Variants in IHO1 observed in about 807,000 individuals in gnomAD.
IHO1 encodes interactor of HORMAD1 1.
In IHO1, 13 loss-of-function variants were observed where a neutral mutation model predicts 31.0. The ratio of observed to expected loss-of-function variants is 0.42; its 90% CI spans 0.27 to 0.67. The LOEUF is 0.67. Ranked by LOEUF, IHO1 falls within the 30% of genes least tolerant of loss-of-function variation. The pLI, the probability that IHO1 is intolerant of heterozygous loss-of-function variation, is 0.24. For missense variants in IHO1, 599 were observed against 687.5 expected (o/e 0.87, Z 1.44); for synonymous variants, 221 against 248.4 (o/e 0.89, Z 1.04).
chr3:49,245,905 C>T (rs1194413386), intron 6 of IHO1, among the ~76,000 whole-genome samples: 4 of 152,034 alleles, frequency 2.6e-5, no homozygotes, highest in Non-Finnish European at 4.4e-5. Context: ...GTTCTGGGGC[C>T]GGGCACAGTG....
intron 3 of IHO1, among the ~76,000 whole-genome samples, chr3:49,238,114 G>T (rs1198025450): frequency 6.6e-6 from 1 of 151,544 alleles, no homozygotes; most frequent in Non-Finnish European, 1.5e-5. Flanking sequence ...CATGTTGGCG[G>T]GCTAGTCTTG....
intron 1 of IHO1, among the ~76,000 whole-genome samples, chr3:49,207,796 T>TG (rs2046158685): frequency 6.6e-6 from 1 of 151,064 alleles, no homozygotes; most frequent in Non-Finnish European, 1.5e-5. Flanking sequence ...TTTTTTGAGA[T>TG]GGAGTCTCGC....
chr3:49,243,708 A>T (rs2046659446), intron 4 of IHO1, among the ~76,000 whole-genome samples: 1 of 144,280 alleles, frequency 6.9e-6, no homozygotes. Context: ...CAGTGAGCCG[A>T]GATCGTGCCA....
rs777534935 is a variant in IHO1 at position 49,257,156 on chromosome 3, G to C, written c.1659G>C (p.Gly553=). 1 of 1,614,154 alleles carries C rather than the reference G, an allele frequency of 6.2e-7. No homozygotes were observed. The highest frequency in any genetic ancestry group is 1.1e-5 in the South Asian group (1 of 91,080). The change falls in exon 8 of 8, where the codon GGG becomes GGC. Residue 553 remains glycine, a synonymous_variant. Transcript: ENST00000452691. ...GGCTACTTTCCAGCAGTTCCCAGGG[G>C]GACCACCAGATGAGCTGGTTCAGTG... ...DNWLLSSSSQ[G]DHQMSWFSDL...
chr3:49,199,684 G>C (rs1228387238), intron 1 of IHO1, 111 bp downstream of exon 1: 1 of 152,326 alleles, frequency 6.6e-6, no homozygotes, highest in Non-Finnish European at 1.5e-5. Context: ...GTCCTCCCGG[G>C]CTTTCCCGGG....
At position 49,255,380 on chromosome 3, in the gene IHO1, T is replaced by C; in HGVS notation, c.533-10T>C. 1 of 1,574,282 alleles carries C rather than the reference T, an allele frequency of 6.4e-7. No individual in the cohort carries two copies. Among genetic ancestry groups the C allele is most frequent in the Non-Finnish European group, 8.6e-7 (1 of 1,162,190 alleles). ...CTTCAGGAGGTGAACTGTCACTGTT[T>C]TGTATTTAGTACAAGAGACTATACA... On this transcript the variant is annotated splice_polypyrimidine_tract_variant and intron_variant, in intron 6 of 7. Coordinates refer to ENST00000452691, the MANE Select transcript of IHO1 (RefSeq NM_001135197.2).
chr3:49,191,557 AAGTGTT>A, the IHO1 span: 2 of 708,526 alleles, frequency 2.8e-6, no homozygotes, highest in Admixed American at 4.0e-5. Context: ...GAAGGGGGCA[AAGTGTT>A]AGGAAGACTA....
intron 2 of IHO1, among the ~76,000 whole-genome samples, chr3:49,225,462 C>CAA (rs752610444): frequency 9.2e-5 from 12 of 130,174 alleles, no homozygotes; most frequent in Non-Finnish European, 1.0e-4. Context: ...GACTCCGTCT[C>CAA]AAAAAAAAAA....
At position 49,219,798 on chromosome 3, in the gene IHO1, C is replaced by T. The variant is rs188219966; in HGVS notation, c.56+7962C>T. On this transcript the variant is annotated intron_variant, in intron 2 of 7. Transcript: ENST00000452691. The stretch of plus-strand genomic sequence containing the variant: ...GGGGAGCTCGGAAGCATCAGGGTAA[C>T]AATGGGACAAGTGTGGGCTCTGGTT... 4.0e-4 allele frequency among the ~76,000 whole-genome samples: 61 copies of T among 152,300 alleles called. No homozygotes were observed. The East Asian group carries it at 0.011, about 26-fold the overall frequency.
intron 6 of IHO1, among the ~76,000 whole-genome samples, chr3:49,248,290 C>T (rs1463481730): frequency 2.0e-5 from 3 of 151,602 alleles, no homozygotes; most frequent in Non-Finnish European, 4.4e-5. Flanking sequence ...GGCGTGGTGG[C>T]GGGCACCTGT....
intron 2 of IHO1, among the ~76,000 whole-genome samples, chr3:49,218,098 G>T (rs760155967): frequency 6.6e-6 from 1 of 152,058 alleles, no homozygotes; most frequent in Non-Finnish European, 1.5e-5. Flanking sequence ...CACACTCTCC[G>T]CCCTGCTGTC....
intron 2 of IHO1, among the ~76,000 whole-genome samples, chr3:49,233,367 G>A (rs1325390339): frequency 6.6e-6 from 1 of 152,122 alleles, no homozygotes; most frequent in South Asian, 2.1e-4. Flanking sequence ...GAATAAAAAA[G>A]CATCTAGAAG....
intron 3 of IHO1, among the ~76,000 whole-genome samples, chr3:49,239,576 A>C (rs2046603823): frequency 6.6e-6 from 1 of 151,952 alleles, no homozygotes; most frequent in Non-Finnish European, 1.5e-5. Flanking sequence ...CCCCGTGCCC[A>C]GCTGCACCAG....
chr3:49,250,789 T>C (rs2046750617), intron 6 of IHO1, among the ~76,000 whole-genome samples: 3 of 152,122 alleles, frequency 2.0e-5, no homozygotes, highest in African/African-American at 7.2e-5. Flanking sequence ...CCCAGCACTT[T>C]GGGAGGCCGA....
chr3:49,230,375 A>G (rs918326482), intron 2 of IHO1, among the ~76,000 whole-genome samples: 4 of 152,222 alleles, frequency 2.6e-5, no homozygotes, highest in Non-Finnish European at 5.9e-5. Context: ...TAGATTTAAA[A>G]GACTGTTTCT....
At chr3:49,201,003 G>GTGT (rs148440594) in intron 1 of IHO1, among the ~76,000 whole-genome samples, 5 of 149,700 alleles carry the variant, frequency 3.3e-5, no homozygotes, top group East Asian at 2.0e-4. Context: ...ACAGTTTTTT[G>GTGT]TTTTTTTTGA....
intron 6 of IHO1, among the ~76,000 whole-genome samples, chr3:49,252,913 G>A (rs925803701): frequency 4.0e-5 from 6 of 151,692 alleles, no homozygotes; most frequent in African/African-American, 1.2e-4. Flanking sequence ...ATGGTGTTGC[G>A]TGCCTAAAGT....
chr3:49,209,918 G>A (rs921968310), intron 1 of IHO1, among the ~76,000 whole-genome samples: 5 of 151,438 alleles, frequency 3.3e-5, no homozygotes, highest in South Asian at 2.1e-4. Context: ...GGGTTTCACC[G>A]TGTTAACCAG....
chr3:49,202,171 G>A (rs2046077698), intron 1 of IHO1, among the ~76,000 whole-genome samples: 1 of 151,946 alleles, frequency 6.6e-6, no homozygotes, highest in Non-Finnish European at 1.5e-5. Flanking sequence ...GAAAAGACAA[G>A]TTAATAGTGT....
Sources: allele counts gnomAD v4.1 joint callset (sites outside exome capture counted in the v4.1 genomes callset), GRCh38; gene constraint gnomAD v4.1.1; transcripts MANE v1.5; gene names NCBI Gene and HGNC (gene_info 2026-07-23, HGNC 2026-07-21).